Variants in SHROOM3 observed in about 807,000 individuals in gnomAD.
SHROOM3 encodes protein Shroom3.
In SHROOM3, 47 loss-of-function variants were observed where a neutral mutation model predicts 138.6. That is an observed-to-expected ratio of 0.34 (90% CI 0.27 to 0.43). SHROOM3 has a LOEUF of 0.43. SHROOM3 is among the 20% of genes least tolerant of loss of function. The probability of loss-of-function intolerance (pLI) is 1.00; values close to 1 mark genes in which losing one functional copy is unlikely to be tolerated. For missense variants in SHROOM3, 2,491 were observed against 2,596.5 expected (o/e 0.96, Z 0.88); for synonymous variants, 1,062 against 1,063.3 (o/e 1.00, Z 0.02).
chr4:76,581,867 C>T (rs1051082692), intron 2 of SHROOM3, among the ~76,000 whole-genome samples: 12 of 152,198 alleles, frequency 7.9e-5, no homozygotes, highest in African/African-American at 2.9e-4. Flanking sequence ...CTGTCTAACA[C>T]ATCATCATCA....
intron 2 of SHROOM3, among the ~76,000 whole-genome samples, chr4:76,579,366 G>A (rs1249081095): frequency 6.6e-6 from 1 of 151,594 alleles, no homozygotes; most frequent in Non-Finnish European, 1.5e-5. Context: ...TACTCGGGAG[G>A]CTGAGGCAGG....
At chr4:76,513,050 A>G (rs902280224) in intron 1 of SHROOM3, among the ~76,000 whole-genome samples, 5 of 152,156 alleles carry the variant, frequency 3.3e-5, no homozygotes, top group African/African-American at 9.7e-5. Context: ...GTCACCCTCC[A>G]CAGATGCAGG....
intron 2 of SHROOM3, among the ~76,000 whole-genome samples, chr4:76,604,897 C>T (rs1210547989): frequency 6.6e-6 from 1 of 152,070 alleles, no homozygotes; most frequent in Non-Finnish European, 1.5e-5. Context: ...ATCTATGAAA[C>T]CAAAAATGTG....
chr4:76,444,474 CTCTT>C (rs1730762031), intron 1 of SHROOM3, among the ~76,000 whole-genome samples: 1 of 140,742 alleles, frequency 7.1e-6, no homozygotes, highest in Non-Finnish European at 1.5e-5. Context: ...TTCCTCATCT[CTCTT>C]TCTTTCTTTT....
chr4:76,436,860 A>G (rs991712200), intron 1 of SHROOM3, among the ~76,000 whole-genome samples: 5 of 152,230 alleles, frequency 3.3e-5, no homozygotes, highest in Non-Finnish European at 7.3e-5. Flanking sequence ...ATATTTATGT[A>G]CTGGGGTTAA....
chr4:76,704,640 A>C (rs1452558445), intron 2 of SHROOM3, among the ~76,000 whole-genome samples: 1 of 152,284 alleles, frequency 6.6e-6, no homozygotes, highest in African/African-American at 2.4e-5. Flanking sequence ...AAGGAGGGGC[A>C]GGAGCCACGT....
intron 2 of SHROOM3, among the ~76,000 whole-genome samples, chr4:76,620,738 C>T (rs561136622): frequency 1.3e-5 from 2 of 152,224 alleles, no homozygotes; most frequent in South Asian, 2.1e-4. Context: ...CAATGTTCAG[C>T]TCTAGAGGCA....
intron 2 of SHROOM3, among the ~76,000 whole-genome samples, chr4:76,689,109 G>A (rs1719421035): frequency 6.6e-6 from 1 of 151,974 alleles, no homozygotes; most frequent in Admixed American, 6.6e-5. Context: ...ATTTTACAAC[G>A]GGGGGAGGTT....
rs186873126 is a variant in SHROOM3, at chr4:76,608,546, A to G, written c.323+52783A>G. ...CAGAGATGGCATAGCATAGCATAGC[A>G]TAGCATAGCATAGCATAGCATAGCA... On this transcript the variant is annotated intron_variant, in intron 2 of 10. Coordinates refer to ENST00000296043, the MANE Select transcript of SHROOM3 (RefSeq NM_020859.4). Among the ~76,000 whole-genome samples the G allele has an allele frequency of 2.3e-4, 15 of 65,548 alleles. No individual in the cohort carries two copies. In the East Asian group the frequency reaches 8.3e-3, roughly 36 times the overall value. 43.0% of individuals were successfully genotyped at this position (65,548 alleles called of 152,430 possible).
chr4:76,534,678 T>TAGCCCACAGTTTCTCATCATGATCACAAG (rs1427281207), intron 1 of SHROOM3, among the ~76,000 whole-genome samples: 51 of 152,270 alleles, frequency 3.3e-4, no homozygotes, highest in African/African-American at 1.2e-3. Context: ...GCAGCATCCT[T>TAGCCCACAGTTTCTCATCATGATCACAAG]AGCCCACAGT....
intron 2 of SHROOM3, among the ~76,000 whole-genome samples, chr4:76,634,860 ACT>A (rs1308281272): frequency 1.2e-4 from 19 of 152,126 alleles, no homozygotes; most frequent in Admixed American, 1.2e-3. Context: ...ACATACACAC[ACT>A]CTAAAAGCAG....
chr4:76,707,901 C>T (rs1720104213), intron 2 of SHROOM3, among the ~76,000 whole-genome samples: 1 of 152,056 alleles, frequency 6.6e-6, no homozygotes, highest in African/African-American at 2.4e-5. Flanking sequence ...GCACTCTCTC[C>T]AGCCTGATTT....
chr4:76,469,779 C>G (rs1731329707), intron 1 of SHROOM3, among the ~76,000 whole-genome samples: 1 of 152,050 alleles, frequency 6.6e-6, no homozygotes, highest in African/African-American at 2.4e-5. Flanking sequence ...ATGTAGTACT[C>G]TAGGTGGATG....
At chr4:76,670,092 A>G (rs563980406) in intron 2 of SHROOM3, among the ~76,000 whole-genome samples, 1 of 152,346 alleles carries the variant, frequency 6.6e-6, no homozygotes, top group South Asian at 2.1e-4. Flanking sequence ...CCCACATCTA[A>G]TAAAAATTAA....
chr4:76,476,097 A>T (rs1454872087), intron 1 of SHROOM3, among the ~76,000 whole-genome samples: 1 of 152,238 alleles, frequency 6.6e-6, no homozygotes, highest in African/African-American at 2.4e-5. Context: ...ATGTGAGGGC[A>T]ATTGTGCCAG....
chr4:76,657,168 ACTCT>A (rs369556375), intron 2 of SHROOM3, among the ~76,000 whole-genome samples: 47 of 143,678 alleles, frequency 3.3e-4, no homozygotes, highest in Non-Finnish European at 5.2e-4. Flanking sequence ...CAAGAGCGAA[ACTCT>A]CTCTCTCTCT....
At chr4:76,568,420 T>C (rs1285891377) in intron 2 of SHROOM3, among the ~76,000 whole-genome samples, 1 of 152,222 alleles carries the variant, frequency 6.6e-6, no homozygotes, top group Non-Finnish European at 1.5e-5. Context: ...GGACAGGCAG[T>C]CTGCACTTAT....
chr4:76,671,211 C>T (rs1718871940), intron 2 of SHROOM3, among the ~76,000 whole-genome samples: 1 of 152,224 alleles, frequency 6.6e-6, no homozygotes, highest in African/African-American at 2.4e-5. Context: ...GAGGGGCCAG[C>T]ATCACCTCCA....
At chr4:76,441,190 G>A (rs1367424884) in intron 1 of SHROOM3, among the ~76,000 whole-genome samples, 2 of 146,148 alleles carry the variant, frequency 1.4e-5, no homozygotes, top group African/African-American at 5.0e-5. Context: ...CGCCTCCTGG[G>A]TTCACGCCAT....
Sources: allele counts gnomAD v4.1 joint callset (sites outside exome capture counted in the v4.1 genomes callset), GRCh38; gene constraint gnomAD v4.1.1; transcripts MANE v1.5; gene names NCBI Gene and HGNC (gene_info 2026-07-23, HGNC 2026-07-21).